NSD1: variants seen among roughly 807,000 people sequenced by gnomAD.
The protein encoded by NSD1 is histone-lysine N-methyltransferase, H3 lysine-36 specific.
A neutral mutation model predicts 242.7 loss-of-function variants in NSD1; 26 were observed. That is an observed-to-expected ratio of 0.11 (90% CI 0.08 to 0.15). The LOEUF is 0.15. Among genes scored for constraint, NSD1 ranks in the 10% least tolerant of loss-of-function variants. The pLI is 1.00. For synonymous variants in NSD1, 1,106 were observed against 1,178.1 expected (o/e 0.94, Z 1.25); for missense variants, 2,495 against 3,272.8 (o/e 0.76, Z 5.80).
rs143319607 is a variant in NSD1 at position 177,169,403 on chromosome 5, C to T, written c.928-22481C>T. Reference sequence around the variant, plus strand: ...TGCTGAACGACCGTAGAATGGTCGACGTTGAGCTCTTCGACAACTTCTTGG... The same window carrying T: ...TGCTGAACGACCGTAGAATGGTCGATGTTGAGCTCTTCGACAACTTCTTGG... On this transcript the variant is annotated intron_variant, in intron 2 of 22. Coordinates refer to ENST00000439151, the MANE Select transcript of NSD1 (RefSeq NM_022455.5). 1.1e-4 allele frequency: 17 copies of T among 155,626 alleles called. No homozygotes were observed. In the East Asian group the frequency reaches 2.7e-3, roughly 24 times the overall value. 9.6% of individuals were successfully genotyped at this position (155,626 alleles called of 1,614,324 possible).
At chr5:177,158,998 T>TTATATATATATATATATATATA (rs10564918) in intron 2 of NSD1, among the ~76,000 whole-genome samples, 3 of 122,612 alleles carry the variant, frequency 2.4e-5, no homozygotes, top group African/African-American at 1.1e-4. Flanking sequence ...ATGAATGATT[T>TTATATATATATATATATATATA]TATATATATA....
In NSD1 at chr5:177,210,424, G is replaced by A; in HGVS notation, c.2025G>A (p.Met675Ile). Residue 675 changes from methionine (M) to isoleucine (I), a missense_variant, in exon 5 of 23, where the codon ATG (methionine) becomes ATA (isoleucine). This residue lies in a region of NSD1 where 515 missense variants were observed against 467.0 expected (regional missense o/e 1.10). Coordinates refer to ENST00000439151, the MANE Select transcript of NSD1 (RefSeq NM_022455.5). ...IPDAFDRTENMLSMQKNEKIK... is the reference protein window; with the variant it reads ...IPDAFDRTENILSMQKNEKIK... The stretch of plus-strand genomic sequence containing the variant: ...ATGCTTTCGATAGAACAGAGAACAT[G>A]TTATCTATGCAGAAAAATGAAAAGA... The A allele has an allele frequency of 1.2e-6, 2 of 1,614,124 alleles. No homozygotes were observed. The highest frequency in any genetic ancestry group is 1.7e-5 in the Admixed American group (1 of 60,010).
rs893398715 is a variant in NSD1 at position 177,210,475 on chromosome 5, A to C, written c.2076A>C (p.Thr692=). Residue 692 remains threonine (T), a synonymous_variant, in exon 5 of 23, where the codon ACA becomes ACC. Transcript: ENST00000439151. ...TAAAGTATTCTAGGTTTGCTGCCAC[A>C]AACACTAGGGTAAAAGCAAAACAGA... ...EKIKYSRFAA[T]NTRVKAKQKP... 1 of 1,614,062 alleles carries C rather than the reference A, an allele frequency of 6.2e-7. No individual in the cohort carries two copies. Among genetic ancestry groups the C allele is most frequent in the Admixed American group, 1.7e-5 (1 of 59,996 alleles).
At position 177,263,023 on chromosome 5, in the gene NSD1, T is replaced by A. The variant is rs540073899; in HGVS notation, c.5146+2855T>A. ...CAACCTTTTGTCTTTTACCTACTTA[T>A]GACCTGGAACCCCAACCCCCTATCA... On this transcript the variant is annotated intron_variant, in intron 14 of 22. Coordinates refer to ENST00000439151, the MANE Select transcript of NSD1 (RefSeq NM_022455.5). Among the ~76,000 whole-genome samples the A allele has an allele frequency of 2.6e-5, 4 of 152,352 alleles. No individual in the cohort carries two copies. In the East Asian group the frequency reaches 5.8e-4, roughly 22 times the overall value.
chr5:177,203,980 C>A (rs1008732183), intron 3 of NSD1, 140 bp from the exon 4 acceptor site: 1 of 803,196 alleles, frequency 1.2e-6, no homozygotes, highest in South Asian at 1.5e-5. Context: ...TGTGTATGAT[C>A]TATTCTAGGT....
At chr5:177,158,200 C>T (rs777966430) in intron 2 of NSD1, among the ~76,000 whole-genome samples, 25 of 151,392 alleles carry the variant, frequency 1.7e-4, no homozygotes, top group Non-Finnish European at 2.9e-4. Context: ...AGTGGTTGCA[C>T]CGTTTTACAG....
intron 17 of NSD1, among the ~76,000 whole-genome samples, chr5:177,277,802 A>G (rs1458852292): frequency 6.6e-6 from 1 of 152,224 alleles, no homozygotes; most frequent in Non-Finnish European, 1.5e-5. Flanking sequence ...CTGTGATTGC[A>G]CTACTGCACT....
chr5:177,165,890 C>T (rs942972334), intron 2 of NSD1, among the ~76,000 whole-genome samples: 5 of 151,084 alleles, frequency 3.3e-5, no homozygotes, highest in Non-Finnish European at 5.9e-5. Flanking sequence ...TGCGCATGAT[C>T]GCTGCTCCCA....
At chr5:177,279,499 A>C (rs1048402731) in intron 17 of NSD1, among the ~76,000 whole-genome samples, 4 of 152,184 alleles carry the variant, frequency 2.6e-5, no homozygotes, top group Non-Finnish European at 4.4e-5. Context: ...CTCCCTCTCA[A>C]AAAAAGGAAG....
chr5:177,206,403 G>A, intron 4 of NSD1, among the ~76,000 whole-genome samples: 1 of 152,142 alleles, frequency 6.6e-6, no homozygotes, highest in Non-Finnish European at 1.5e-5. Flanking sequence ...GTTTCCCAAA[G>A]TGATGGGATT....
intron 2 of NSD1, among the ~76,000 whole-genome samples, chr5:177,148,859 C>G (rs562397125): frequency 1.3e-5 from 2 of 152,312 alleles, no homozygotes; most frequent in Admixed American, 1.3e-4. Context: ...CGCCCTGTTG[C>G]CCAGGCTGAA....
rs757698935 is a variant in NSD1, at chr5:177,294,257, A to G, written c.6889A>G (p.Arg2297Gly). The G allele has an allele frequency of 2.5e-6, 4 of 1,613,576 alleles. No individual in the cohort carries two copies. The highest frequency in any genetic ancestry group is 1.1e-5 in the South Asian group (1 of 91,028). The change falls in exon 23 of 23, where the codon AGA (arginine) becomes GGA (glycine). Residue 2297 changes from arginine to glycine, a missense_variant. Transcript: ENST00000439151. The stretch of plus-strand genomic sequence containing the variant: ...CAGGCCCCAGCCTTTAGATAAGGTC[A>G]GAGACCTCGCTGGGTCAGGGACCAA... Reference protein sequence around the residue: ...DSRPQPLDKVRDLAGSGTKSQ... With the variant: ...DSRPQPLDKVGDLAGSGTKSQ...
rs539306638 is a variant in NSD1 at position 177,269,125 on chromosome 5, A to G, written c.5304-477A>G. ...ATTTACATTCTTTGATTTTGTTTGT[A>G]TGTGTTTGTGTTTTGATTTCTTGGT... is the stretch of plus-strand genomic sequence containing the variant. On this transcript the variant is annotated intron_variant, in intron 15 of 22. Transcript: ENST00000439151. This position sits in a 1 kb window ranked among gnomAD's most constrained non-coding sequence, Gnocchi z 5.1. Among the ~76,000 whole-genome samples, 119 of 152,108 alleles carry G rather than the reference A, an allele frequency of 7.8e-4. 3 individuals are homozygous for G. Among genetic ancestry groups the G allele is most frequent in the African/African-American group, 2.7e-3 (114 of 41,486 alleles).
rs1406041305 is a variant in NSD1 at position 177,295,704 on chromosome 5, TCTTTCCCCC to T, written c.*246_*254del. ...CCAAGGAGACAGACAGACTTGGGTC[TCTTTCCCCC>T]AACTTTTCCACATGGTCATCGTGAA... On this transcript the variant is annotated 3_prime_UTR_variant, in exon 23 of 23. Transcript: ENST00000439151. The surrounding 1 kb of genome is among the most constrained non-coding windows in gnomAD (Gnocchi z 4.3). The T allele has an allele frequency of 1.0e-5, 6 of 576,182 alleles. No individual in the cohort carries two copies. The highest frequency in any genetic ancestry group is 1.9e-5 in the Non-Finnish European group (6 of 322,942). 35.7% of individuals were successfully genotyped at this position (576,182 alleles called of 1,614,324 possible).
chr5:177,230,718 T>C (rs964475553), intron 5 of NSD1, among the ~76,000 whole-genome samples: 1 of 151,562 alleles, frequency 6.6e-6, no homozygotes, highest in African/African-American at 2.4e-5. Flanking sequence ...TCCCAGCTAC[T>C]CGGGAGACTG....
chr5:177,148,954 G>A lies in NSD1; in HGVS notation c.927+12924G>A, dbSNP rs982330218. Among the ~76,000 whole-genome samples the A allele has an allele frequency of 7.9e-5, 12 of 152,008 alleles. 1 individual carries two copies. Among genetic ancestry groups the A allele is most frequent in the Admixed American group, 7.9e-4 (12 of 15,252 alleles). On this transcript the variant is annotated intron_variant, in intron 2 of 22. Coordinates refer to ENST00000439151, the MANE Select transcript of NSD1 (RefSeq NM_022455.5). ...CTGCATCAGCCTCCCAAGTAGCTGGGATTACAGGCATGTGCACCATGCCTG... is the reference window on the plus strand; with the variant it reads ...CTGCATCAGCCTCCCAAGTAGCTGGAATTACAGGCATGTGCACCATGCCTG...
rs1325256083 is a variant in NSD1 at position 177,300,197 on chromosome 5, G to A, written c.*4738G>A. On this transcript the variant is annotated 3_prime_UTR_variant, in exon 23 of 23. Transcript: ENST00000439151. ...GAAAAAAAATTTACTGTAAAGTAAA[G>A]TTTAACTTTACTCATATATGGCCCT... The A allele has an allele frequency of 4.5e-6, 1 of 222,026 alleles. No homozygotes were observed. Among genetic ancestry groups the A allele is most frequent in the Non-Finnish European group, 9.0e-6 (1 of 111,072 alleles). The allele number at this position is 222,026 out of a possible 1,614,324, so 13.8% of individuals were successfully genotyped here. A position where few individuals can be genotyped will look rare whatever the true frequency, so the allele number is the denominator to read the frequency against.
intron 17 of NSD1, among the ~76,000 whole-genome samples, chr5:177,275,435 C>CTTTTTTTTTTTTTTTTTTTT: frequency 2.0e-5 from 1 of 50,146 alleles, no homozygotes; most frequent in Non-Finnish European, 3.4e-5. Context: ...CTTCCCTTGT[C>CTTTTTTTTTTTTTTTTTTTT]TTTTTTTTTT....
chr5:177,159,338 G>C (rs1758539856), intron 2 of NSD1, among the ~76,000 whole-genome samples: 1 of 151,464 alleles, frequency 6.6e-6, no homozygotes, highest in Non-Finnish European at 1.5e-5. Context: ...AGGCTGGAGT[G>C]CGGTGGCAGT....
Sources: allele counts gnomAD v4.1 joint callset (sites outside exome capture counted in the v4.1 genomes callset), GRCh38; gene constraint gnomAD v4.1.1; regional missense constraint gnomAD v4.1.1; non-coding constraint Gnocchi (gnomAD v3.1); transcripts MANE v1.5; gene names NCBI Gene and HGNC (gene_info 2026-07-23, HGNC 2026-07-21).